The following KIAA0825 variants were observed in gnomAD, a reference collection of about 807,000 sequenced individuals.
KIAA0825 encodes KIAA0825.
KIAA0825 carries 119 observed loss-of-function variants against 147.6 expected under a neutral mutation model. The ratio of observed to expected loss-of-function variants is 0.81; its 90% CI spans 0.69 to 0.94. The LOEUF (loss-of-function observed/expected upper bound fraction) is 0.94, where lower values mean the gene tolerates loss of function less well. KIAA0825 is among the 40% of genes least tolerant of loss of function. The probability of loss-of-function intolerance (pLI) is 0.00; values close to 1 mark genes in which losing one functional copy is unlikely to be tolerated. For synonymous variants in KIAA0825, 470 were observed against 518.1 expected (o/e 0.91, Z 1.26); for missense variants, 1,381 against 1,472.7 (o/e 0.94, Z 1.02).
chr5:94,227,434 T>A (rs1186549725), intron 20 of KIAA0825, among the ~76,000 whole-genome samples: 1 of 151,788 alleles, frequency 6.6e-6, no homozygotes, highest in Non-Finnish European at 1.5e-5. Context: ...CTTTAGGAGA[T>A]ATACTTAATG....
chr5:94,372,239 A>G (rs1225620421), intron 20 of KIAA0825, among the ~76,000 whole-genome samples: 1 of 152,168 alleles, frequency 6.6e-6, no homozygotes, highest in Non-Finnish European at 1.5e-5. Flanking sequence ...GCAAGCTATC[A>G]GTGGATCTAC....
chr5:94,209,451 C>T (rs887652889), intron 20 of KIAA0825, among the ~76,000 whole-genome samples: 4 of 152,032 alleles, frequency 2.6e-5, no homozygotes, highest in Admixed American at 1.3e-4. Flanking sequence ...TCAGTAGGTC[C>T]GGTAGAAAAG....
intron 1 of KIAA0825, chr5:94,593,469 G>A: frequency 1.5e-6 from 1 of 682,854 alleles, no homozygotes; most frequent in Non-Finnish European, 2.7e-6. Flanking sequence ...CAAAAAGAAT[G>A]GTACAGTTTC....
At chr5:94,180,111 G>T (rs1441189238) in intron 20 of KIAA0825, among the ~76,000 whole-genome samples, 4 of 151,888 alleles carry the variant, frequency 2.6e-5, no homozygotes, top group African/African-American at 9.7e-5. Flanking sequence ...TTACAGTGGA[G>T]AATCCTAAAA....
Position 94,152,765 on chromosome 5 carries a change from T to C in KIAA0825, c.*1242A>G, listed in dbSNP as rs978266725. On this transcript the variant is annotated 3_prime_UTR_variant, in exon 21 of 21. Coordinates refer to ENST00000682413, the MANE Select transcript of KIAA0825 (RefSeq NM_001145678.3). ...ATGAGTTTGAGGTTACATTGAACTA[T>C]GATCATGCCACTGCACTACATTCCA... is the stretch of plus-strand genomic sequence containing the variant. Among the ~76,000 whole-genome samples the C allele has an allele frequency of 1.5e-5, 2 of 132,882 alleles. No individual in the cohort carries two copies. Among genetic ancestry groups the C allele is most frequent in the Admixed American group, 1.7e-4 (2 of 11,984 alleles). The allele number at this position is 132,882 out of a possible 152,430, so 87.2% of individuals were successfully genotyped here.
intron 2 of KIAA0825, among the ~76,000 whole-genome samples, chr5:94,538,017 C>T (rs1772441300): frequency 6.6e-6 from 1 of 152,162 alleles, no homozygotes; most frequent in South Asian, 2.1e-4. Context: ...ACCATCAAAG[C>T]TTTAATCATT....
intron 1 of KIAA0825, among the ~76,000 whole-genome samples, chr5:94,603,704 A>G (rs1334929344): frequency 6.6e-6 from 1 of 152,216 alleles, no homozygotes; most frequent in Non-Finnish European, 1.5e-5. Flanking sequence ...TGACACACAT[A>G]GGGTCAAAAT....
chr5:94,384,705 C>T (rs181959770), intron 19 of KIAA0825, among the ~76,000 whole-genome samples: 3 of 152,198 alleles, frequency 2.0e-5, no homozygotes, highest in Admixed American at 6.5e-5. Context: ...TTTATTGAGT[C>T]GTTATTCTTC....
At chr5:94,280,467 T>G (rs1345863434) in intron 20 of KIAA0825, among the ~76,000 whole-genome samples, 4 of 152,052 alleles carry the variant, frequency 2.6e-5, no homozygotes, top group African/African-American at 2.4e-5. Flanking sequence ...ATCTTTTGCA[T>G]AAAGAGATTT....
At chr5:94,326,479 G>T (rs1314158305) in intron 20 of KIAA0825, among the ~76,000 whole-genome samples, 3 of 152,128 alleles carry the variant, frequency 2.0e-5, no homozygotes, top group Non-Finnish European at 4.4e-5. Context: ...CGTTTCTGTG[G>T]TTTTTCAAAG....
At chr5:94,558,413 T>C (rs1776964077) in intron 2 of KIAA0825, among the ~76,000 whole-genome samples, 1 of 152,220 alleles carries the variant, frequency 6.6e-6, no homozygotes, top group African/African-American at 2.4e-5. Flanking sequence ...TGAATGTTTT[T>C]TGGCTGAGGC....
chr5:94,561,971 TAA>T (rs1222310800), intron 2 of KIAA0825, among the ~76,000 whole-genome samples: 1 of 152,220 alleles, frequency 6.6e-6, no homozygotes, highest in Non-Finnish European at 1.5e-5. Flanking sequence ...GAATGTGGCT[TAA>T]ACAATTTTTA....
chr5:94,197,873 C>T (rs1771287044), intron 20 of KIAA0825, among the ~76,000 whole-genome samples: 2 of 152,142 alleles, frequency 1.3e-5, no homozygotes, highest in African/African-American at 4.8e-5. Context: ...GTTACCATAG[C>T]ATTGTAATAT....
rs185588895 is a variant in KIAA0825 at position 94,316,643 on chromosome 5, T to C, written c.3710+67725A>G. On this transcript the variant is annotated intron_variant, in intron 20 of 20. Transcript: ENST00000682413. ...CCCCATCTGGCTGTCCTGAGAGTCA[T>C]ATATTAATAGAAACAGTCCACTCTG... 2.3e-3 allele frequency among the ~76,000 whole-genome samples: 352 copies of C among 151,860 alleles called. 1 individual carries two copies. Among genetic ancestry groups the C allele is most frequent in the Non-Finnish European group, 4.1e-3 (280 of 67,814 alleles).
At position 94,608,470 on chromosome 5, in the gene KIAA0825, A is replaced by T. The variant is rs376705583; in HGVS notation, c.-153+10030T>A. On this transcript the variant is annotated intron_variant, in intron 1 of 20. Transcript: ENST00000682413. ...GTGTGTGTATATATATATATTATAT[A>T]TATAATATATATATATATATAATTA... Among the ~76,000 whole-genome samples the T allele has an allele frequency of 8.5e-4, 15 of 17,742 alleles. 3 individuals carry two copies. Among genetic ancestry groups the T allele is most frequent in the African/African-American group, 4.7e-3 (15 of 3,196 alleles). The allele number at this position is 17,742 out of a possible 152,430, so 11.6% of individuals were successfully genotyped here. A position where few individuals can be genotyped will look rare whatever the true frequency, so the allele number is the denominator to read the frequency against.
intron 20 of KIAA0825, among the ~76,000 whole-genome samples, chr5:94,372,962 G>C (rs1163327329): frequency 6.6e-6 from 1 of 152,092 alleles, no homozygotes; most frequent in Non-Finnish European, 1.5e-5. Flanking sequence ...TCTAGGGCAG[G>C]GGAAAAAGCT....
intron 5 of KIAA0825, among the ~76,000 whole-genome samples, chr5:94,506,383 T>C (rs1205224015): frequency 6.6e-6 from 1 of 152,200 alleles, no homozygotes; most frequent in African/African-American, 2.4e-5. Flanking sequence ...CATTGAACAG[T>C]TTTAAACTTG....
intron 1 of KIAA0825, among the ~76,000 whole-genome samples, chr5:94,599,394 T>G (rs1399747419): frequency 1.4e-5 from 2 of 147,178 alleles, no homozygotes; most frequent in African/African-American, 5.1e-5. Flanking sequence ...TGATGAGGGT[T>G]CCATGAAAAG....
chr5:94,179,462 CTGT>C (rs1173840427), intron 20 of KIAA0825, among the ~76,000 whole-genome samples: 1 of 152,068 alleles, frequency 6.6e-6, no homozygotes, highest in Non-Finnish European at 1.5e-5. Flanking sequence ...AACAAAAGAA[CTGT>C]GCATAAACAC....
Sources: gnomAD v4.1 joint callset for allele counts (sites outside exome capture counted in the v4.1 genomes callset) on GRCh38, gnomAD v4.1.1 for gene constraint, MANE v1.5 for transcripts, NCBI Gene and HGNC (gene_info 2026-07-23, HGNC 2026-07-21) for gene names.